BRWD3: variants seen among roughly 807,000 people sequenced by gnomAD.
BRWD3 encodes the protein bromodomain and WD repeat-containing protein 3.
Under a neutral mutation model 149.7 loss-of-function variants are expected in BRWD3, and 10 were observed. The ratio of observed to expected loss-of-function variants is 0.07; its 90% confidence interval spans 0.04 to 0.11. The LOEUF (loss-of-function observed/expected upper bound fraction) is 0.11. BRWD3 is among the 10% of genes least tolerant of loss of function. The probability of loss-of-function intolerance (pLI) is 1.00; values close to 1 mark genes in which losing one functional copy is unlikely to be tolerated. For synonymous variants in BRWD3, 504 were observed against 456.7 expected (o/e 1.10, Z -1.32); for missense variants, 940 against 1,373.2 (o/e 0.68, Z 4.99).
chrX:80,722,539 A>G (rs367764579), intron 17 of BRWD3, 23 bp downstream of exon 17: 1 of 1,190,590 alleles, frequency 8.4e-7, no homozygotes, highest in African/African-American at 1.7e-5. Flanking sequence ...AATGTTTTAA[A>G]TTTACTTTTA....
intron 17 of BRWD3, among the ~76,000 whole-genome samples, chrX:80,720,998 C>G (rs1028396242): frequency 8.9e-6 from 1 of 111,973 alleles, no homozygotes; most frequent in Non-Finnish European, 1.9e-5. Flanking sequence ...ACAAGTTTAA[C>G]CACAGATACC....
rs2147767553 is a variant in BRWD3, at chrX:80,728,812, C to T, written c.1326G>A (p.Val442=). Reference sequence around the variant, plus strand: ...TCCACACTTTCAAAAGAAAATTGTTCACTGCAGTAATAACTGTGGTATCAT... The same window carrying T: ...TCCACACTTTCAAAAGAAAATTGTTTACTGCAGTAATAACTGTGGTATCAT... ...DRYDTTVITA[V]NNFLLKVWNS... is the part of the protein sequence containing the mutation. Residue 442 remains valine (V), a synonymous_variant, in exon 14 of 41, where the codon GTG becomes GTA. Coordinates refer to ENST00000373275, the MANE Select transcript of BRWD3 (RefSeq NM_153252.5). 8.3e-7 allele frequency: 1 copy of T among 1,205,016 alleles called. No individual in the cohort carries two copies. The highest frequency in any genetic ancestry group is 1.1e-6 in the Non-Finnish European group (1 of 889,693).
In BRWD3 at chrX:80,723,701, GACACA is replaced by G. The variant is rs764162809; in HGVS notation, c.1650+42_1650+46del. On this transcript the variant is annotated intron_variant, in intron 16 of 40. Transcript: ENST00000373275. ...AGGGCTTTAAACAAAATTTGTGAATGACACAATCCTAAATTATACTCTACAGCAAA... is the reference window on the plus strand; with the variant it reads ...AGGGCTTTAAACAAAATTTGTGAATGATCCTAAATTATACTCTACAGCAAA... 1.3e-5 allele frequency: 15 copies of G among 1,192,379 alleles called. No individual in the cohort carries two copies. The African/African-American group carries it at 1.6e-4, about 13-fold the overall frequency.
chrX:80,718,133 T>G (rs2073098480), intron 18 of BRWD3, among the ~76,000 whole-genome samples: 1 of 111,712 alleles, frequency 9.0e-6, no homozygotes, highest in South Asian at 3.7e-4. Context: ...GTTCTCTCCA[T>G]TACAGTGTTT....
chrX:80,722,996 A>G (rs942801773), intron 16 of BRWD3, among the ~76,000 whole-genome samples: 1 of 111,575 alleles, frequency 9.0e-6, no homozygotes, highest in South Asian at 3.7e-4. Flanking sequence ...TATAATCTGT[A>G]TTAATTTTTA....
chrX:80,791,705 A>AAAT, intron 6 of BRWD3, 149 bp downstream of exon 6: 1 of 433,466 alleles, frequency 2.3e-6, no homozygotes, highest in Non-Finnish European at 4.1e-6. Context: ...AAATGTTTTA[A>AAAT]AAATCTGGAC....
In BRWD3 at chrX:80,767,029, C is replaced by A. The variant is rs756035775; in HGVS notation, c.431-21300G>T. Among the ~76,000 whole-genome samples the A allele has an allele frequency of 3.6e-5, 4 of 112,661 alleles. No individual in the cohort carries two copies. In the South Asian group the frequency reaches 1.5e-3, roughly 41 times the overall value. On this transcript the variant is annotated intron_variant, in intron 6 of 40. Transcript: ENST00000373275. Reference sequence around the variant, plus strand: ...TACTGGTAGCTCAGCAGTCTGAGATCGACCTGCAAGGCAGTGGCCTGGCAG... The same window carrying A: ...TACTGGTAGCTCAGCAGTCTGAGATAGACCTGCAAGGCAGTGGCCTGGCAG...
At chrX:80,766,353 C>T (rs929045967) in intron 6 of BRWD3, among the ~76,000 whole-genome samples, 2 of 110,953 alleles carry the variant, frequency 1.8e-5, no homozygotes, top group African/African-American at 6.6e-5. Context: ...GATCATAGGA[C>T]TTCTCAGCCT....
rs760128780 is a variant in BRWD3 at position 80,703,516 on chromosome X, G to T, written c.2799C>A (p.Pro933=). The stretch of plus-strand genomic sequence containing the variant: ...TTTGTGGGACAAATGGGGAACGTCG[G>T]GGTATAGTATCCAAGATCCACTGAG... ...FAPQWILDTI[P]RRSPFVPQMG... The change falls in exon 24 of 41, where the codon CCC becomes CCA. Residue 933 remains proline (P), a synonymous_variant. Coordinates refer to ENST00000373275, the MANE Select transcript of BRWD3 (RefSeq NM_153252.5). 3 of 1,206,869 alleles carry T rather than the reference G, an allele frequency of 2.5e-6. No homozygotes were observed. The highest frequency in any genetic ancestry group is 1.8e-5 in the South Asian group (1 of 55,946).
intron 27 of BRWD3, among the ~76,000 whole-genome samples, chrX:80,694,543 G>C (rs899160488): frequency 6.3e-5 from 7 of 111,108 alleles, no homozygotes; most frequent in Non-Finnish European, 1.1e-4. Flanking sequence ...CTGGGAAAGG[G>C]GACATACCCT....
chrX:80,777,225 A>G (rs2074009227), intron 6 of BRWD3, among the ~76,000 whole-genome samples: 2 of 110,597 alleles, frequency 1.8e-5, no homozygotes, highest in African/African-American at 6.6e-5. Context: ...AAAGATGAGT[A>G]ACTCACTGAA....
intron 26 of BRWD3, 74 bp downstream of exon 26, chrX:80,696,665 G>A: frequency 9.1e-7 from 1 of 1,104,343 alleles, no homozygotes; most frequent in South Asian, 1.8e-5. Flanking sequence ...CTCCCATTGA[G>A]CACTGTACTC....
chrX:80,766,923 C>T (rs1008581064), intron 6 of BRWD3, among the ~76,000 whole-genome samples: 1 of 112,111 alleles, frequency 8.9e-6, no homozygotes, highest in Non-Finnish European at 1.9e-5. Flanking sequence ...CTGTGCTTTC[C>T]CAACGGTCTT....
At chrX:80,782,648 A>G (rs2074067964) in intron 6 of BRWD3, among the ~76,000 whole-genome samples, 1 of 111,945 alleles carries the variant, frequency 8.9e-6, no homozygotes, top group African/African-American at 3.2e-5. Context: ...CTGTAATTCC[A>G]ATACTTTTGG....
chrX:80,776,234 A>C (rs2073999321), intron 6 of BRWD3, among the ~76,000 whole-genome samples: 1 of 112,365 alleles, frequency 8.9e-6, no homozygotes, highest in African/African-American at 3.2e-5. Context: ...TGAAAAGCTC[A>C]TCAAGATCCA....
intron 4 of BRWD3, 122 bp downstream of exon 4, chrX:80,808,417 C>A: frequency 1.9e-6 from 1 of 527,216 alleles, no homozygotes; most frequent in Non-Finnish European, 3.2e-6. Flanking sequence ...GGCAGTCGTT[C>A]TTTGGCTCTG....
At chrX:80,781,842 T>C (rs896024127) in intron 6 of BRWD3, among the ~76,000 whole-genome samples, 2 of 110,520 alleles carry the variant, frequency 1.8e-5, no homozygotes, top group African/African-American at 6.6e-5. Context: ...TATAAAACAC[T>C]GATGAAAGAA....
At chrX:80,705,122 C>T (rs182051117) in intron 22 of BRWD3, among the ~76,000 whole-genome samples, 1 of 110,524 alleles carries the variant, frequency 9.0e-6, no homozygotes, top group African/African-American at 3.3e-5. Context: ...AAAAATTAGC[C>T]GGGTGTGATG....
intron 4 of BRWD3, among the ~76,000 whole-genome samples, chrX:80,795,906 G>T (rs908036990): frequency 1.8e-5 from 2 of 110,051 alleles, no homozygotes; most frequent in African/African-American, 6.6e-5. Context: ...ACTCCAGCCC[G>T]TGGGTGACCC....
Sources: allele counts gnomAD v4.1 joint callset (sites outside exome capture counted in the v4.1 genomes callset), GRCh38; gene constraint gnomAD v4.1.1; transcripts MANE v1.5; gene names NCBI Gene and HGNC (gene_info 2026-07-23, HGNC 2026-07-21).